The following PDGFB variants were observed in gnomAD, a reference collection of about 807,000 sequenced individuals.
PDGFB encodes the protein platelet-derived growth factor subunit B.
In PDGFB, 6 loss-of-function variants were observed where a neutral mutation model predicts 29.0. The ratio of observed to expected loss-of-function variants is 0.21; its 90% CI spans 0.11 to 0.41. PDGFB has a LOEUF of 0.41. Ranked by LOEUF, PDGFB falls within the 10% of genes least tolerant of loss-of-function variation. The pLI, the probability that PDGFB is intolerant of heterozygous loss-of-function variation, is 1.00. For synonymous variants in PDGFB, 144 were observed against 140.8 expected, an observed-to-expected ratio of 1.02 and a Z score of -0.16; for missense variants, 299 against 341.8, an observed-to-expected ratio of 0.87 and a Z score of 0.99.
chr22:39,243,863 T>A lies in PDGFB; in HGVS notation c.63+38A>T. On this transcript the variant is annotated intron_variant, in intron 1 of 6. Coordinates refer to ENST00000331163, the MANE Select transcript of PDGFB (RefSeq NM_002608.4). This position sits in a 1 kb window ranked among gnomAD's most constrained non-coding sequence, Gnocchi z 6.4. Reference sequence around the variant, plus strand: ...GGTCAGAAGGGGGGGGCGAAGGTAATGAATGAAGAACCAGCCCCAGCCGCC... The same window carrying A: ...GGTCAGAAGGGGGGGGCGAAGGTAAAGAATGAAGAACCAGCCCCAGCCGCC... 6.4e-7 allele frequency: 1 copy of A among 1,557,914 alleles called. No homozygotes were observed. Among genetic ancestry groups the A allele is most frequent in the Non-Finnish European group, 8.8e-7 (1 of 1,139,318 alleles).
chr22:39,228,278 T>A (rs1234426669), intron 5 of PDGFB, among the ~76,000 whole-genome samples: 2 of 152,196 alleles, frequency 1.3e-5, no homozygotes, highest in Non-Finnish European at 2.9e-5. Context: ...AACAAATACA[T>A]GAAGTAACTC....
At chr22:39,237,327 C>A (rs1360692713) in intron 1 of PDGFB, among the ~76,000 whole-genome samples, 3 of 152,110 alleles carry the variant, frequency 2.0e-5, no homozygotes, top group Non-Finnish European at 4.4e-5. Flanking sequence ...TTTAAAGCTA[C>A]ATCATTCCCT....
chr22:39,239,369 C>T (rs1192658154), intron 1 of PDGFB, among the ~76,000 whole-genome samples: 1 of 151,982 alleles, frequency 6.6e-6, no homozygotes, highest in East Asian at 1.9e-4. Context: ...AGAGCCTGGG[C>T]CGTGTGGGCT....
chr22:39,228,492 G>C (rs1601595860), intron 5 of PDGFB, among the ~76,000 whole-genome samples: 1 of 152,188 alleles, frequency 6.6e-6, no homozygotes, highest in East Asian at 1.9e-4. Flanking sequence ...AGGAGGCTGA[G>C]GAGGGAGGCT....
chr22:39,228,055 T>C (rs1932207954), intron 5 of PDGFB, among the ~76,000 whole-genome samples: 1 of 152,072 alleles, frequency 6.6e-6, no homozygotes, highest in South Asian at 2.1e-4. Context: ...ACAGCTCAAG[T>C]GACAACACGC....
At chr22:39,236,440 G>A (rs1266640387) in intron 1 of PDGFB, among the ~76,000 whole-genome samples, 3 of 152,194 alleles carry the variant, frequency 2.0e-5, no homozygotes, top group Non-Finnish European at 4.4e-5. Context: ...AGGTCCTAGC[G>A]GTATCTATGA....
Position 39,244,136 on chromosome 22 carries a change from C to T in PDGFB, c.-173G>A. On this transcript the variant is annotated 5_prime_UTR_variant, in exon 1 of 7. Transcript: ENST00000331163. This position sits in a 1 kb window ranked among gnomAD's most constrained non-coding sequence, Gnocchi z 4.5. ...CCGCATGGCCCCCGGGCGCCGCCGC[C>T]CCCGGCCCCGGCTCCGTCGCTGGGG... 6.5e-6 allele frequency: 2 copies of T among 309,830 alleles called. No individual in the cohort carries two copies. The highest frequency in any genetic ancestry group is 1.2e-5 in the Non-Finnish European group (2 of 169,718). The allele number at this position is 309,830 out of a possible 1,614,324, so 19.2% of individuals were successfully genotyped here.
intron 2 of PDGFB, among the ~76,000 whole-genome samples, chr22:39,234,874 A>T (rs1932402731): frequency 6.6e-6 from 1 of 152,156 alleles, no homozygotes; most frequent in Non-Finnish European, 1.5e-5. Context: ...TAGAAAGGCT[A>T]AATTTGGAAG....
chr22:39,244,542 C>A lies in PDGFB; in HGVS notation c.-579G>T, dbSNP rs1209503146. On this transcript the variant is annotated 5_prime_UTR_variant, in exon 1 of 7. Transcript: ENST00000331163. This position sits in a 1 kb window ranked among gnomAD's most constrained non-coding sequence, Gnocchi z 4.5. ...GGGCAGGGAGAGGTGCAAACTCCCG[C>A]CCGGGCCGGGTAGGGGGGCGGGAGC... 6.0e-6 allele frequency: 1 copy of A among 165,342 alleles called. No individual in the cohort carries two copies. The highest frequency in any genetic ancestry group is 1.3e-5 in the Non-Finnish European group (1 of 75,772). The allele number at this position is 165,342 out of a possible 1,614,324, so 10.2% of individuals were successfully genotyped here.
intron 5 of PDGFB, among the ~76,000 whole-genome samples, chr22:39,229,161 AT>A (rs1490611380): frequency 6.6e-6 from 1 of 152,040 alleles, no homozygotes; most frequent in East Asian, 1.9e-4. Context: ...CACTTACGTG[AT>A]TTTTTTAAAC....
chr22:39,238,233 G>C (rs1471433257), intron 1 of PDGFB, among the ~76,000 whole-genome samples: 1 of 152,156 alleles, frequency 6.6e-6, no homozygotes, highest in African/African-American at 2.4e-5. Flanking sequence ...GGTAAATACT[G>C]GTCAAATGCA....
chr22:39,235,639 G>T, intron 2 of PDGFB, 139 bp downstream of exon 2: 1 of 642,758 alleles, frequency 1.6e-6, no homozygotes, highest in Non-Finnish European at 2.7e-6. Flanking sequence ...CTGGATGGGT[G>T]TGGCCACGCT....
intron 4 of PDGFB, among the ~76,000 whole-genome samples, chr22:39,230,477 G>C (rs1392882215): frequency 6.6e-6 from 1 of 152,262 alleles, no homozygotes; most frequent in African/African-American, 2.4e-5. Context: ...CCCAGAGAGG[G>C]ACAGCCAGAA....
At chr22:39,228,893 A>AAAAAAAAAAAAAATATATATAT (rs1184799325) in intron 5 of PDGFB, among the ~76,000 whole-genome samples, 7 of 132,520 alleles carry the variant, frequency 5.3e-5, no homozygotes, top group South Asian at 2.4e-4. Context: ...CCTCAAAAAA[A>AAAAAAAAAAAAAATATATATAT]ATATATATAT....
At chr22:39,239,179 T>C (rs1392776826) in intron 1 of PDGFB, among the ~76,000 whole-genome samples, 2 of 152,192 alleles carry the variant, frequency 1.3e-5, no homozygotes, top group Admixed American at 6.5e-5. Context: ...CATTAATTCT[T>C]TCCGGATGGC....
chr22:39,237,920 C>T (rs1238276470), intron 1 of PDGFB, among the ~76,000 whole-genome samples: 2 of 152,236 alleles, frequency 1.3e-5, no homozygotes, highest in Non-Finnish European at 2.9e-5. Context: ...AGCCAGGCCT[C>T]CCTGGATCAC....
At position 39,243,831 on chromosome 22, in the gene PDGFB, AG is replaced by A; in HGVS notation, c.63+69del. On this transcript the variant is annotated intron_variant, in intron 1 of 6. Coordinates refer to ENST00000331163, the MANE Select transcript of PDGFB (RefSeq NM_002608.4). The surrounding 1 kb of genome is among the most constrained non-coding windows in gnomAD (Gnocchi z 6.4). Reference sequence around the variant, plus strand: ...GTCCAAAGTTCACTGCAGGGAGAGGAGGGGGCGGTCAGAAGGGGGGGGCGAA... The same window carrying A: ...GTCCAAAGTTCACTGCAGGGAGAGGAGGGGCGGTCAGAAGGGGGGGGCGAA... 2.4e-6 allele frequency: 3 copies of A among 1,259,514 alleles called. No homozygotes were observed. The highest frequency in any genetic ancestry group is 2.6e-5 in the East Asian group (1 of 38,848). The allele number at this position is 1,259,514 out of a possible 1,614,324, so 78.0% of individuals were successfully genotyped here.
chr22:39,225,761 G>T lies in PDGFB; in HGVS notation c.688C>A (p.His230Asn). 1 of 1,614,190 alleles carries T rather than the reference G, an allele frequency of 6.2e-7. No homozygotes were observed. Among genetic ancestry groups the T allele is most frequent in the Non-Finnish European group, 8.5e-7 (1 of 1,180,024 alleles). ...KGKHRKFKHT[H>N]DKTALKETLG... ...GTCTCCTTCAGTGCCGTCTTGTCAT[G>T]CGTGTGCTTGAATTTCCGGTGCTTG... The change falls in exon 6 of 7, where the codon CAT becomes AAT. Residue 230 changes from histidine (H) to asparagine (N), a missense_variant. His to Asn is a moderately conservative substitution (Grantham distance 68, BLOSUM62 1). Coordinates refer to ENST00000331163, the MANE Select transcript of PDGFB (RefSeq NM_002608.4).
Position 39,242,525 on chromosome 22 carries a change from C to G in PDGFB, c.63+1376G>C, listed in dbSNP as rs989036068. 2.1e-4 allele frequency among the ~76,000 whole-genome samples: 31 copies of G among 150,264 alleles called. No individual in the cohort carries two copies. Among genetic ancestry groups the G allele is most frequent in the Non-Finnish European group, 3.6e-4 (24 of 67,362 alleles). On this transcript the variant is annotated intron_variant, in intron 1 of 6. Transcript: ENST00000331163. The surrounding 1 kb of genome is among the most constrained non-coding windows in gnomAD (Gnocchi z 5.7). Reference sequence around the variant, plus strand: ...GGGAGGGGCCTGAAGGCGGCCCGGCCGAGCCCCGCGTCCTCCCTCCCGGGT... The same window carrying G: ...GGGAGGGGCCTGAAGGCGGCCCGGCGGAGCCCCGCGTCCTCCCTCCCGGGT...
Sources: gnomAD v4.1 joint callset for allele counts (sites outside exome capture counted in the v4.1 genomes callset) on GRCh38, gnomAD v4.1.1 for gene constraint, Gnocchi (gnomAD v3.1) non-coding constraint, MANE v1.5 for transcripts, NCBI Gene and HGNC (gene_info 2026-07-23, HGNC 2026-07-21) for gene names.